The following SAMTOR variants were observed in gnomAD, a reference collection of about 807,000 sequenced individuals.
SAMTOR encodes UPF0532 protein C7orf60.
the SAMTOR span, chr7:112,915,428 G>A: frequency 6.3e-7 from 1 of 1,595,236 alleles, no homozygotes; most frequent in Middle Eastern, 1.7e-4. Flanking sequence ...GTTCTCGCCA[G>A]ATCTTATCAA....
the SAMTOR span, among the ~76,000 whole-genome samples, chr7:112,914,916 G>C: frequency 6.6e-6 from 1 of 152,032 alleles, no homozygotes; most frequent in African/African-American, 2.4e-5. Flanking sequence ...TTCTATTTTG[G>C]CACTATGAAT....
the SAMTOR span, among the ~76,000 whole-genome samples, chr7:112,847,264 T>G: frequency 6.6e-6 from 1 of 152,226 alleles, no homozygotes; most frequent in Admixed American, 6.5e-5. Context: ...ATAAATGATT[T>G]AACAGCAGAA....
the SAMTOR span, among the ~76,000 whole-genome samples, chr7:112,905,196 G>A: frequency 2.6e-5 from 4 of 152,134 alleles, no homozygotes; most frequent in Non-Finnish European, 4.4e-5. Flanking sequence ...TAACAGCTCT[G>A]GTCTAGGATT....
the SAMTOR span, among the ~76,000 whole-genome samples, chr7:112,874,562 T>C: frequency 6.6e-6 from 1 of 152,132 alleles, no homozygotes; most frequent in African/African-American, 2.4e-5. Context: ...ATCTGAGTGA[T>C]GGTATCAAGA....
At chr7:112,898,189 G>A in the SAMTOR span, among the ~76,000 whole-genome samples, 1 of 152,320 alleles carries the variant, frequency 6.6e-6, no homozygotes, top group Non-Finnish European at 1.5e-5. Context: ...GCTACTGGCT[G>A]AATAAAGTGG....
the SAMTOR span, among the ~76,000 whole-genome samples, chr7:112,885,919 G>C: frequency 6.6e-6 from 1 of 152,080 alleles, no homozygotes; most frequent in East Asian, 1.9e-4. Flanking sequence ...CCCGAGACTG[G>C]GTAACTTATA....
the SAMTOR span, among the ~76,000 whole-genome samples, chr7:112,853,333 CTTAAAT>C: frequency 6.6e-6 from 1 of 152,056 alleles, no homozygotes; most frequent in Non-Finnish European, 1.5e-5. Context: ...TAATTTTCTA[CTTAAAT>C]TTAAATTTCA....
the SAMTOR span, among the ~76,000 whole-genome samples, chr7:112,827,074 T>A: frequency 2.0e-5 from 3 of 152,346 alleles, no homozygotes; most frequent in Admixed American, 6.5e-5. Context: ...CCTGATCATA[T>A]TCTTTGCTCT....
the SAMTOR span, among the ~76,000 whole-genome samples, chr7:112,857,081 T>G: frequency 7.4e-6 from 1 of 134,566 alleles, no homozygotes; most frequent in Non-Finnish European, 1.6e-5. Flanking sequence ...CTTTTAATCT[T>G]TTTTTTTTTT....
chr7:112,903,290 TAAC>T, the SAMTOR span, among the ~76,000 whole-genome samples: 17 of 145,532 alleles, frequency 1.2e-4, 1 homozygote, highest in South Asian at 3.7e-3. Context: ...CCAGCCTGGG[TAAC>T]AACAGCGAAA....
the SAMTOR span, among the ~76,000 whole-genome samples, chr7:112,930,439 G>A: frequency 6.6e-6 from 1 of 151,630 alleles, no homozygotes; most frequent in Non-Finnish European, 1.5e-5. Context: ...TTTCTCTAAT[G>A]TGGGAAGAAA....
chr7:112,918,204 C>T, the SAMTOR span, among the ~76,000 whole-genome samples: 56 of 152,234 alleles, frequency 3.7e-4, no homozygotes, highest in Non-Finnish European at 4.7e-4. Flanking sequence ...AGAGAAAGGT[C>T]GGGTTACCCA....
chr7:112,841,420 G>C, the SAMTOR span, among the ~76,000 whole-genome samples: 12 of 151,860 alleles, frequency 7.9e-5, no homozygotes, highest in African/African-American at 2.7e-4. Context: ...CACTGCTCAA[G>C]GAAATAAGAG....
At chr7:112,829,967 CAGCT>C in the SAMTOR span, among the ~76,000 whole-genome samples, 3 of 152,126 alleles carry the variant, frequency 2.0e-5, no homozygotes, top group African/African-American at 7.2e-5. Flanking sequence ...GATTTGTACT[CAGCT>C]GAGTATTCAA....
chr7:112,846,693 A>T, the SAMTOR span, among the ~76,000 whole-genome samples: 1 of 152,176 alleles, frequency 6.6e-6, no homozygotes, highest in Non-Finnish European at 1.5e-5. Flanking sequence ...TATGTGGCCA[A>T]CTTCTAACGA....
chr7:112,927,624 C>T, the SAMTOR span, among the ~76,000 whole-genome samples: 1 of 151,722 alleles, frequency 6.6e-6, no homozygotes, highest in Non-Finnish European at 1.5e-5. Context: ...GAGACAGGTA[C>T]AAGGGGAAAG....
the SAMTOR span, among the ~76,000 whole-genome samples, chr7:112,826,657 T>A: frequency 2.0e-5 from 3 of 150,896 alleles, no homozygotes; most frequent in Non-Finnish European, 4.4e-5. Flanking sequence ...TATTTCCTTT[T>A]GGATTTACTG....
the SAMTOR span, among the ~76,000 whole-genome samples, chr7:112,911,389 T>C: frequency 6.6e-6 from 1 of 152,148 alleles, no homozygotes; most frequent in East Asian, 1.9e-4. Flanking sequence ...CCAGCTCCAA[T>C]ACAGCTCAAC....
chr7:112,820,271 C>T, the SAMTOR span: 5 of 152,434 alleles, frequency 3.3e-5, no homozygotes, highest in South Asian at 2.1e-4. Context: ...AAAGGTACTA[C>T]GGCAATTCAC....
Sources: allele counts gnomAD v4.1 joint callset (sites outside exome capture counted in the v4.1 genomes callset), GRCh38; gene constraint gnomAD v4.1.1; transcripts MANE v1.5; gene names NCBI Gene and HGNC (gene_info 2026-07-23, HGNC 2026-07-21).